Variants in SLC17A8 observed in about 807,000 individuals in gnomAD.
SLC17A8 encodes vesicular glutamate transporter 3.
SLC17A8 carries 31 observed loss-of-function variants against 58.0 expected under a neutral mutation model. That is an observed-to-expected ratio of 0.53 (90% CI 0.40 to 0.72). The LOEUF (loss-of-function observed/expected upper bound fraction) is 0.72. SLC17A8 is among the 30% of genes least tolerant of loss of function. SLC17A8 has a pLI of 0.00. For synonymous variants in SLC17A8, 228 were observed against 249.0 expected (o/e 0.92, Z 0.79); for missense variants, 655 against 727.8 (o/e 0.90, Z 1.15).
intron 5 of SLC17A8, among the ~76,000 whole-genome samples, chr12:100,398,700 A>C (rs1395749336): frequency 6.6e-6 from 1 of 152,174 alleles, no homozygotes; most frequent in Non-Finnish European, 1.5e-5. Context: ...TCTAGAAAAC[A>C]TCCAGTGATA....
At chr12:100,407,599 G>GTTTGT (rs71088182) in intron 9 of SLC17A8, among the ~76,000 whole-genome samples, 57,720 of 149,900 alleles carry the variant, frequency 0.39, 12,178 homozygotes, top group Non-Finnish European at 0.47. Context: ...TTTTTTGTTT[G>GTTTGT]TTTGTTTTGT....
Position 100,414,644 on chromosome 12 carries a change from G to A in SLC17A8, c.1297+1764G>A, listed in dbSNP as rs369312965. Among the ~76,000 whole-genome samples the A allele has an allele frequency of 7.9e-5, 12 of 152,230 alleles. No homozygotes were observed. The East Asian group carries it at 2.3e-3, about 29-fold the overall frequency. On this transcript the variant is annotated intron_variant, in intron 10 of 11. Coordinates refer to ENST00000323346, the MANE Select transcript of SLC17A8 (RefSeq NM_139319.3). The stretch of plus-strand genomic sequence containing the variant: ...GATATTGCAGTGAATAAATGAAAGT[G>A]TCCATCCCCATAAAGTTTACATTCT...
In SLC17A8 at chr12:100,421,532, A is replaced by G. The variant is rs1271839431; in HGVS notation, c.*1373A>G. On this transcript the variant is annotated 3_prime_UTR_variant, in exon 12 of 12. Coordinates refer to ENST00000323346, the MANE Select transcript of SLC17A8 (RefSeq NM_139319.3). The stretch of plus-strand genomic sequence containing the variant: ...ATTTAAAATTTTAACATTGGCATCT[A>G]AAGTGTTATTTGAAAATAAAATTAT... The G allele has an allele frequency of 1.3e-5, 2 of 152,160 alleles. No individual in the cohort carries two copies. The highest frequency in any genetic ancestry group is 2.4e-5 in the African/African-American group (1 of 41,442). The allele number at this position is 152,160 out of a possible 1,614,324, so 9.4% of individuals were successfully genotyped here.
At position 100,357,296 on chromosome 12, in the gene SLC17A8, A is replaced by G; in HGVS notation, c.-96A>G. 1 of 805,398 alleles carries G rather than the reference A, an allele frequency of 1.2e-6. No homozygotes were observed. Among genetic ancestry groups the G allele is most frequent in the South Asian group, 1.3e-5 (1 of 74,300 alleles). 49.9% of individuals were successfully genotyped at this position (805,398 alleles called of 1,614,324 possible). A position where few individuals can be genotyped will look rare whatever the true frequency, so the allele number is the denominator to read the frequency against. ...CACGAGAACTGACTTCCAGGTGTTCACCAAGGGAAACAAGGTGGTTCTCAC... is the reference window on the plus strand; with the variant it reads ...CACGAGAACTGACTTCCAGGTGTTCGCCAAGGGAAACAAGGTGGTTCTCAC... On this transcript the variant is annotated 5_prime_UTR_variant, in exon 1 of 12. Coordinates refer to ENST00000323346, the MANE Select transcript of SLC17A8 (RefSeq NM_139319.3).
At chr12:100,404,529 C>T (rs902603954) in intron 9 of SLC17A8, 43 of 225,368 alleles carry the variant, frequency 1.9e-4, no homozygotes, top group African/African-American at 9.1e-4. Flanking sequence ...CACACACACA[C>T]ACACCATTCT....
chr12:100,410,933 G>A (rs755530031), intron 9 of SLC17A8, among the ~76,000 whole-genome samples: 3 of 152,102 alleles, frequency 2.0e-5, no homozygotes, highest in East Asian at 1.9e-4. Flanking sequence ...TTACTTTTCC[G>A]ATACCTCACA....
At chr12:100,390,785 C>T (rs1171616527) in intron 2 of SLC17A8, among the ~76,000 whole-genome samples, 1 of 152,076 alleles carries the variant, frequency 6.6e-6, no homozygotes, top group African/African-American at 2.4e-5. Flanking sequence ...CCTCAGCCTC[C>T]TAAATAACTG....
intron 1 of SLC17A8, among the ~76,000 whole-genome samples, chr12:100,375,236 C>T (rs1952586906): frequency 6.6e-6 from 1 of 151,536 alleles, no homozygotes; most frequent in South Asian, 2.1e-4. Flanking sequence ...GATCTTCCTG[C>T]CTCCGCCTCC....
intron 10 of SLC17A8, among the ~76,000 whole-genome samples, chr12:100,413,402 G>A (rs576834023): frequency 5.3e-5 from 8 of 152,262 alleles, no homozygotes; most frequent in African/African-American, 1.9e-4. Flanking sequence ...TCTGAACAGG[G>A]TAAAGAATAA....
chr12:100,380,412 C>A (rs2135984928), intron 1 of SLC17A8, among the ~76,000 whole-genome samples: 1 of 151,972 alleles, frequency 6.6e-6, no homozygotes, highest in South Asian at 2.1e-4. Context: ...CTGTCTACCT[C>A]ATGGGGTTGT....
chr12:100,368,723 C>T (rs1952538134), intron 1 of SLC17A8, among the ~76,000 whole-genome samples: 1 of 152,168 alleles, frequency 6.6e-6, no homozygotes, highest in Non-Finnish European at 1.5e-5. Context: ...TTTATATTCT[C>T]TCCTTTTACA....
intron 8 of SLC17A8, among the ~76,000 whole-genome samples, chr12:100,403,410 A>G (rs1952805394): frequency 6.6e-6 from 1 of 152,040 alleles, no homozygotes; most frequent in Non-Finnish European, 1.5e-5. Flanking sequence ...CAGAGGTTGC[A>G]GTGAGGCGAG....
intron 2 of SLC17A8, among the ~76,000 whole-genome samples, chr12:100,388,769 T>G (rs1592997013): frequency 6.6e-6 from 1 of 152,240 alleles, no homozygotes; most frequent in African/African-American, 2.4e-5. Context: ...AGGAACCCTC[T>G]TACTCCATAT....
intron 1 of SLC17A8, among the ~76,000 whole-genome samples, chr12:100,369,265 G>A (rs1329500965): frequency 6.6e-6 from 1 of 152,106 alleles, no homozygotes; most frequent in African/African-American, 2.4e-5. Flanking sequence ...AACAGAGCAA[G>A]ACTCCATCTC....
intron 2 of SLC17A8, among the ~76,000 whole-genome samples, chr12:100,382,234 C>T (rs893983005): frequency 6.6e-6 from 1 of 152,144 alleles, no homozygotes; most frequent in African/African-American, 2.4e-5. Context: ...CATCTGTGCT[C>T]CAGATTGTTC....
chr12:100,380,011 C>G (rs1487046937), intron 1 of SLC17A8, among the ~76,000 whole-genome samples: 5 of 151,914 alleles, frequency 3.3e-5, no homozygotes, highest in Non-Finnish European at 7.4e-5. Context: ...CCAGCCTGAC[C>G]AACATGGAGA....
intron 5 of SLC17A8, among the ~76,000 whole-genome samples, chr12:100,400,533 A>C (rs1270841175): frequency 6.6e-6 from 1 of 152,144 alleles, no homozygotes; most frequent in Non-Finnish European, 1.5e-5. Context: ...TCCAGATCTC[A>C]GGCTGGGCCT....
intron 9 of SLC17A8, among the ~76,000 whole-genome samples, chr12:100,409,524 ACT>A (rs1263178641): frequency 6.6e-6 from 1 of 152,154 alleles, no homozygotes; most frequent in Non-Finnish European, 1.5e-5. Flanking sequence ...TGCTAGACAG[ACT>A]CTGTGTTAAA....
At chr12:100,391,393 A>T (rs1202454677) in intron 3 of SLC17A8, among the ~76,000 whole-genome samples, 15 of 25,546 alleles carry the variant, frequency 5.9e-4, no homozygotes, top group Non-Finnish European at 8.0e-5. Flanking sequence ...CCCCCACCCC[A>T]CTCGGCATTC....
Sources: allele counts gnomAD v4.1 joint callset (sites outside exome capture counted in the v4.1 genomes callset), GRCh38; gene constraint gnomAD v4.1.1; transcripts MANE v1.5; gene names NCBI Gene and HGNC (gene_info 2026-07-23, HGNC 2026-07-21).